LIMA1: variants seen among roughly 807,000 people sequenced by gnomAD.
LIMA1 encodes the protein LIM domain and actin-binding protein 1.
In LIMA1, 52 loss-of-function variants were observed where a neutral mutation model predicts 62.6. The ratio of observed to expected loss-of-function variants is 0.83; its 90% CI spans 0.67 to 1.05. The LOEUF is 1.05. Among genes scored for constraint, LIMA1 ranks in the 50% least tolerant of loss-of-function variants. The pLI, the probability that LIMA1 is intolerant of heterozygous loss-of-function variation, is 0.00. For missense variants in LIMA1, 780 were observed against 902.2 expected, an observed-to-expected ratio of 0.86 and a Z score of 1.74; for synonymous variants, 302 against 317.8, an observed-to-expected ratio of 0.95 and a Z score of 0.53.
rs1037253207 is a variant in LIMA1, at chr12:50,204,410, G to A, written c.864+142C>T. ...TGGTAAGAACTGCAAATCCAGCGAGGGTAGGGTTCATGTGAAAAGAGAACA... is the reference window on the plus strand; with the variant it reads ...TGGTAAGAACTGCAAATCCAGCGAGAGTAGGGTTCATGTGAAAAGAGAACA... On this transcript the variant is annotated intron_variant, in intron 6 of 10. Transcript: ENST00000341247. 13 of 933,362 alleles carry A rather than the reference G, an allele frequency of 1.4e-5. No homozygotes were observed. The African/African-American group carries it at 1.7e-4, about 12-fold the overall frequency. The allele number at this position is 933,362 out of a possible 1,614,324, so 57.8% of individuals were successfully genotyped here.
At chr12:50,258,302 G>T (rs1201636720) in intron 1 of LIMA1, among the ~76,000 whole-genome samples, 7 of 61,120 alleles carry the variant, frequency 1.1e-4, no homozygotes, top group Admixed American at 2.5e-4. Context: ...ACTGCTTTTT[G>T]TGTGTGTGTG....
chr12:50,239,787 G>A (rs1941746515), intron 2 of LIMA1, among the ~76,000 whole-genome samples: 1 of 152,066 alleles, frequency 6.6e-6, no homozygotes, highest in Non-Finnish European at 1.5e-5. Context: ...CTTGAGCCCG[G>A]GAGTTTGAGA....
chr12:50,232,996 A>C (rs899599470), intron 2 of LIMA1, among the ~76,000 whole-genome samples: 1 of 152,158 alleles, frequency 6.6e-6, no homozygotes, highest in Non-Finnish European at 1.5e-5. Context: ...AAACAAACCC[A>C]AAAAAACAGT....
At chr12:50,184,519 G>A (rs1940582792) in intron 9 of LIMA1, among the ~76,000 whole-genome samples, 1 of 152,164 alleles carries the variant, frequency 6.6e-6, no homozygotes, top group Non-Finnish European at 1.5e-5. Context: ...GCGGGCGCCT[G>A]TAATTCCAGC....
intron 9 of LIMA1, chr12:50,185,495 G>A (rs768312045): frequency 8.6e-5 from 39 of 455,944 alleles, no homozygotes; most frequent in Middle Eastern, 6.5e-4. Flanking sequence ...AGCATTTGGC[G>A]TGCCCTGGAG....
intron 4 of LIMA1, among the ~76,000 whole-genome samples, chr12:50,214,070 TAA>T (rs1941304237): frequency 9.5e-6 from 1 of 105,242 alleles, no homozygotes; most frequent in Non-Finnish European, 2.0e-5. Context: ...TCAGAGTTAT[TAA>T]GAGTAAATAA....
chr12:50,192,478 C>T lies in LIMA1; in HGVS notation c.1114G>A (p.Glu372Lys), dbSNP rs571948156. The T allele has an allele frequency of 9.4e-5, 151 of 1,613,826 alleles. 2 individuals are homozygous for T. The Middle Eastern group carries it at 2.3e-3, about 25-fold the overall frequency. The change falls in exon 9 of 11, where the codon GAA becomes AAA. Residue 372 changes from glutamate to lysine, a missense_variant. Coordinates refer to ENST00000341247, the MANE Select transcript of LIMA1 (RefSeq NM_016357.5). ...SPDSRASSLS[E>K]SSPPKAMKKF... ...TTCATTGCTTTGGGAGGAGAACTTTCAGAAAGACTGGAGGCTCTGGAATCT... is the reference window on the plus strand; with the variant it reads ...TTCATTGCTTTGGGAGGAGAACTTTTAGAAAGACTGGAGGCTCTGGAATCT...
intron 1 of LIMA1, among the ~76,000 whole-genome samples, chr12:50,258,990 C>T (rs1395030403): frequency 6.6e-6 from 1 of 152,134 alleles, no homozygotes; most frequent in Non-Finnish European, 1.5e-5. Context: ...ATATTTCTGA[C>T]TCCAGTCTAG....
chr12:50,283,084 G>T (rs1040623454), intron 1 of LIMA1, among the ~76,000 whole-genome samples: 1 of 152,152 alleles, frequency 6.6e-6, no homozygotes, highest in African/African-American at 2.4e-5. Flanking sequence ...TCCCTGGAAG[G>T]AGGGTATTTG....
chr12:50,261,042 A>ATATATTTTTTT lies in LIMA1; in HGVS notation c.-23-12269_-23-12268insAAAAAAATATA, dbSNP rs1383547189. ...CTTTTGCTTTTCTGCCATCTAGTAT[A>ATATATTTTTTT]TTTTTTTTTTTTTTTTTTTTTTTTT... On this transcript the variant is annotated intron_variant, in intron 1 of 10. Coordinates refer to ENST00000341247, the MANE Select transcript of LIMA1 (RefSeq NM_016357.5). Among the ~76,000 whole-genome samples the ATATATTTTTTT allele has an allele frequency of 2.0e-3, 109 of 54,284 alleles. 2 individuals are homozygous for ATATATTTTTTT. Among genetic ancestry groups the ATATATTTTTTT allele is most frequent in the Non-Finnish European group, 2.7e-3 (86 of 31,306 alleles). The allele number at this position is 54,284 out of a possible 152,430, so 35.6% of individuals were successfully genotyped here.
chr12:50,248,420 C>A (rs1820077284), intron 2 of LIMA1, among the ~76,000 whole-genome samples: 1 of 152,144 alleles, frequency 6.6e-6, no homozygotes. Flanking sequence ...ATAACTGTTT[C>A]TTCCACAAAC....
chr12:50,200,857 T>A lies in LIMA1; in HGVS notation c.892A>T (p.Ile298Phe). ...TNELKASGGEIKIHKMEQKEN... is the reference protein window; with the variant it reads ...TNELKASGGEFKIHKMEQKEN... ...TTTTGCTCCATTTTATGAATTTTGA[T>A]TTCGCCACCACTGGCTTTCAGCTCA... The change falls in exon 7 of 11, where the codon ATC (isoleucine) becomes TTC (phenylalanine). Residue 298 changes from isoleucine (I) to phenylalanine (F), a missense_variant. Ile to Phe is a conservative substitution (Grantham distance 21). Transcript: ENST00000341247. 1 of 1,614,136 alleles carries A rather than the reference T, an allele frequency of 6.2e-7. No homozygotes were observed. The highest frequency in any genetic ancestry group is 8.5e-7 in the Non-Finnish European group (1 of 1,180,008).
chr12:50,209,505 T>G (rs543284687), intron 4 of LIMA1, among the ~76,000 whole-genome samples: 1 of 147,004 alleles, frequency 6.8e-6, no homozygotes, highest in East Asian at 2.0e-4. Flanking sequence ...GAGATGGAGG[T>G]TGCAGTGAGC....
At chr12:50,186,736 G>GCT (rs1940640076) in intron 9 of LIMA1, 1 of 152,352 alleles carries the variant, frequency 6.6e-6, no homozygotes, top group Admixed American at 6.5e-5. Context: ...CTGTTCATAA[G>GCT]CTCTTATTAA....
intron 3 of LIMA1, among the ~76,000 whole-genome samples, chr12:50,223,489 A>C (rs1168584486): frequency 3.0e-4 from 17 of 57,320 alleles, no homozygotes; most frequent in Non-Finnish European, 1.1e-4. Context: ...TCCCCCAACC[A>C]AAAAAAAAAA....
At chr12:50,235,783 A>G (rs1941683220) in intron 2 of LIMA1, among the ~76,000 whole-genome samples, 1 of 152,232 alleles carries the variant, frequency 6.6e-6, no homozygotes, top group Non-Finnish European at 1.5e-5. Context: ...AACTTATATT[A>G]CAGACAAAAA....
rs1940346125 is a variant in LIMA1, at chr12:50,176,812, G to A, written c.*252C>T. On this transcript the variant is annotated 3_prime_UTR_variant, in exon 11 of 11. Transcript: ENST00000341247. Reference sequence around the variant, plus strand: ...AGGTGGAATATTTCCCCAGTTACAAGCCTTACAGCACTTATGCATATCATC... The same window carrying A: ...AGGTGGAATATTTCCCCAGTTACAAACCTTACAGCACTTATGCATATCATC... 2 of 366,866 alleles carry A rather than the reference G, an allele frequency of 5.5e-6. No individual in the cohort carries two copies. The allele number at this position is 366,866 out of a possible 1,614,324, so 22.7% of individuals were successfully genotyped here. A position where few individuals can be genotyped will look rare whatever the true frequency, so the allele number is the denominator to read the frequency against.
intron 3 of LIMA1, among the ~76,000 whole-genome samples, chr12:50,223,507 C>A (rs1401711773): frequency 1.3e-5 from 2 of 148,622 alleles, no homozygotes; most frequent in Non-Finnish European, 3.0e-5. Context: ...AAAAAAAATT[C>A]TCAGTTATCA....
At chr12:50,191,515 G>A (rs1940770943) in intron 9 of LIMA1, among the ~76,000 whole-genome samples, 1 of 151,454 alleles carries the variant, frequency 6.6e-6, no homozygotes, top group South Asian at 2.1e-4. Context: ...AACAGAGCAA[G>A]ACCCTGTCTC....
Sources: gnomAD v4.1 joint callset for allele counts (sites outside exome capture counted in the v4.1 genomes callset) on GRCh38, gnomAD v4.1.1 for gene constraint, MANE v1.5 for transcripts, NCBI Gene and HGNC (gene_info 2026-07-23, HGNC 2026-07-21) for gene names.